Variants in ATRN observed in about 807,000 individuals in gnomAD.
ATRN encodes the protein attractin.
A neutral mutation model predicts 178.7 loss-of-function variants in ATRN; 54 were observed. The ratio of observed to expected loss-of-function variants is 0.30; its 90% CI spans 0.24 to 0.38. The LOEUF is 0.38. Ranked by LOEUF, ATRN falls within the 10% of genes least tolerant of loss-of-function variation. ATRN has a pLI of 1.00. For missense variants in ATRN, 1,443 were observed against 1,815.1 expected (o/e 0.79, Z 3.73); for synonymous variants, 636 against 663.0 (o/e 0.96, Z 0.63).
At position 3,650,335 on chromosome 20, in the gene ATRN, A is replaced by C. The variant is rs1423875459; in HGVS notation, c.*3488A>C. ...TTCAACAAGTATTTGCTAAACACTA[A>C]CTTAAGCTAATGCTAGGGTAGTGAC... On this transcript the variant is annotated 3_prime_UTR_variant, in exon 29 of 29. Coordinates refer to ENST00000262919, the MANE Select transcript of ATRN (RefSeq NM_139321.3). The C allele has an allele frequency of 7.2e-5, 11 of 152,672 alleles. No individual in the cohort carries two copies. Among genetic ancestry groups the C allele is most frequent in the Admixed American group, 7.2e-4 (11 of 15,286 alleles). 9.5% of individuals were successfully genotyped at this position (152,672 alleles called of 1,614,324 possible). A position where few individuals can be genotyped will look rare whatever the true frequency, so the allele number is the denominator to read the frequency against.
At chr20:3,492,253 G>A (rs1193473534) in intron 1 of ATRN, among the ~76,000 whole-genome samples, 1 of 151,520 alleles carries the variant, frequency 6.6e-6, no homozygotes, top group Admixed American at 6.6e-5. Context: ...AAAAGCACAA[G>A]AGAGGTAGGA....
At chr20:3,549,070 CTA>C in intron 5 of ATRN, 98 bp from the exon 6 acceptor site, 2 of 984,664 alleles carry the variant, frequency 2.0e-6, no homozygotes, top group Non-Finnish European at 3.0e-6. Context: ...AAAGGAAAGA[CTA>C]TTATTTAAAT....
intron 1 of ATRN, among the ~76,000 whole-genome samples, chr20:3,484,380 T>C (rs927800874): frequency 3.3e-5 from 5 of 152,200 alleles, no homozygotes; most frequent in Non-Finnish European, 7.4e-5. Flanking sequence ...AAATATACTC[T>C]TCTATATTTT....
chr20:3,490,573 T>C, intron 1 of ATRN: 3 of 1,063,756 alleles, frequency 2.8e-6, no homozygotes, highest in South Asian at 1.3e-5. Context: ...CACGTTAATG[T>C]ACTTGAGGTA....
chr20:3,483,740 CTG>C (rs2084654234), intron 1 of ATRN, among the ~76,000 whole-genome samples: 1 of 152,142 alleles, frequency 6.6e-6, no homozygotes, highest in South Asian at 2.1e-4. Context: ...TCCAAAATAA[CTG>C]AAATTCTTTT....
chr20:3,521,896 C>T (rs537970362), intron 1 of ATRN, among the ~76,000 whole-genome samples: 9 of 152,250 alleles, frequency 5.9e-5, no homozygotes, highest in Admixed American at 2.6e-4. Context: ...ATTCTCTCAC[C>T]TCAGCCTCCT....
At chr20:3,641,629 C>T (rs984013070) in intron 27 of ATRN, among the ~76,000 whole-genome samples, 16 of 141,724 alleles carry the variant, frequency 1.1e-4, no homozygotes, top group Non-Finnish European at 4.5e-5. Flanking sequence ...AAAAGATCAC[C>T]TGCAAAGGAA....
intron 23 of ATRN, among the ~76,000 whole-genome samples, chr20:3,603,834 C>T (rs151192633): frequency 9.2e-5 from 14 of 152,012 alleles, no homozygotes; most frequent in Non-Finnish European, 1.6e-4. Context: ...ATCAGCCTGC[C>T]CAGCTTTAAA....
intron 6 of ATRN, among the ~76,000 whole-genome samples, chr20:3,559,160 A>T (rs1298080302): frequency 6.6e-6 from 1 of 152,200 alleles, no homozygotes; most frequent in Non-Finnish European, 1.5e-5. Flanking sequence ...AGAACCTTCC[A>T]GTAGCTTTGT....
At chr20:3,522,803 C>A (rs1436036666) in intron 1 of ATRN, among the ~76,000 whole-genome samples, 2 of 152,092 alleles carry the variant, frequency 1.3e-5, no homozygotes, top group Non-Finnish European at 2.9e-5. Flanking sequence ...CAGCAAACTC[C>A]AGCAGACCTG....
intron 1 of ATRN, among the ~76,000 whole-genome samples, chr20:3,487,962 A>G (rs1250724201): frequency 2.0e-5 from 3 of 152,098 alleles, no homozygotes; most frequent in Non-Finnish European, 4.4e-5. Flanking sequence ...CCTGCCTTAC[A>G]TGGACCTAGG....
At chr20:3,532,529 A>C (rs1229015621) in intron 1 of ATRN, among the ~76,000 whole-genome samples, 1 of 152,230 alleles carries the variant, frequency 6.6e-6, no homozygotes. Context: ...CAGATAGAGA[A>C]GAATGGTCTC....
intron 1 of ATRN, among the ~76,000 whole-genome samples, chr20:3,518,778 T>A: frequency 6.6e-6 from 1 of 152,070 alleles, no homozygotes; most frequent in Non-Finnish European, 1.5e-5. Flanking sequence ...TTCAGTAGTT[T>A]GGGTACTTAA....
chr20:3,630,964 T>TTTTTTTTTTTTTTTTTTTTTTTTTTTTTG (rs1307722255), intron 25 of ATRN, among the ~76,000 whole-genome samples: 1 of 73,430 alleles, frequency 1.4e-5, no homozygotes, highest in Non-Finnish European at 2.5e-5. Flanking sequence ...TTTTTTTTTT[T>TTTTTTTTTTTTTTTTTTTTTTTTTTTTTG]GGGATAGGGT....
chr20:3,498,429 C>T lies in ATRN; in HGVS notation c.410+26912C>T, dbSNP rs1477117465. On this transcript the variant is annotated intron_variant, in intron 1 of 28. Coordinates refer to ENST00000262919, the MANE Select transcript of ATRN (RefSeq NM_139321.3). ...CTTGATAAACATTGATGCAGAAATC[C>T]TCAATAAAATACTGGCAAAGCGAAT... Among the ~76,000 whole-genome samples, 8 of 152,114 alleles carry T rather than the reference C, an allele frequency of 5.3e-5. No homozygotes were observed. In the South Asian group the frequency reaches 1.7e-3, roughly 32 times the overall value.
intron 1 of ATRN, among the ~76,000 whole-genome samples, chr20:3,486,010 C>T (rs890902918): frequency 3.9e-5 from 6 of 152,090 alleles, no homozygotes; most frequent in African/African-American, 9.7e-5. Context: ...CTTGAATGCT[C>T]ATATAGCTGG....
intron 20 of ATRN, among the ~76,000 whole-genome samples, chr20:3,595,771 G>A (rs1161727915): frequency 2.0e-5 from 3 of 152,158 alleles, no homozygotes; most frequent in Admixed American, 6.5e-5. Context: ...CCCACTTCCC[G>A]CCCTTTCCTC....
intron 15 of ATRN, 57 bp from the exon 16 acceptor site, chr20:3,582,078 A>C (rs2086289156): frequency 6.6e-7 from 1 of 1,508,626 alleles, no homozygotes; most frequent in Non-Finnish European, 9.2e-7. Context: ...CATCTCCAAA[A>C]TTTAAATTAA....
chr20:3,532,863 C>T (rs186639050), intron 1 of ATRN, among the ~76,000 whole-genome samples: 24 of 152,044 alleles, frequency 1.6e-4, no homozygotes, highest in Non-Finnish European at 2.1e-4. Flanking sequence ...CCTGGGTTCA[C>T]GCTATTCTCC....
Sources: gnomAD v4.1 joint callset for allele counts (sites outside exome capture counted in the v4.1 genomes callset) on GRCh38, gnomAD v4.1.1 for gene constraint, MANE v1.5 for transcripts, NCBI Gene and HGNC (gene_info 2026-07-23, HGNC 2026-07-21) for gene names.